Variants in PPP1R9A observed in about 807,000 individuals in gnomAD.
PPP1R9A encodes the protein protein phosphatase 1 regulatory subunit 9A, also known as neurabin-1.
In PPP1R9A, 59 loss-of-function variants were observed where a neutral mutation model predicts 141.9. The observed-to-expected ratio is 0.42, with a 90% confidence interval of 0.34 to 0.52. PPP1R9A has a LOEUF of 0.52. Among genes scored for constraint, PPP1R9A ranks in the 20% least tolerant of loss-of-function variants. The pLI is 0.10. For synonymous variants in PPP1R9A, 500 were observed against 569.7 expected, an observed-to-expected ratio of 0.88 and a Z score of 1.74; for missense variants, 1,444 against 1,611.9, an observed-to-expected ratio of 0.90 and a Z score of 1.78.
At chr7:95,176,014 A>C (rs761014841) in intron 5 of PPP1R9A, among the ~76,000 whole-genome samples, 1 of 152,086 alleles carries the variant, frequency 6.6e-6, no homozygotes, top group African/African-American at 2.4e-5. Flanking sequence ...GTAGGCTCTC[A>C]TCATGAATTT....
At chr7:95,135,633 A>G (rs561820943) in intron 4 of PPP1R9A, among the ~76,000 whole-genome samples, 2 of 152,186 alleles carry the variant, frequency 1.3e-5, no homozygotes, top group East Asian at 1.9e-4. Context: ...AGTAAATACT[A>G]GCTCTGTACA....
intron 2 of PPP1R9A, among the ~76,000 whole-genome samples, chr7:95,002,734 C>T (rs1803114005): frequency 1.3e-5 from 2 of 152,158 alleles, no homozygotes; most frequent in South Asian, 4.1e-4. Context: ...TGTCTTCAAG[C>T]TGAGATTAGT....
At chr7:95,252,593 C>T (rs1799043339) in intron 12 of PPP1R9A, among the ~76,000 whole-genome samples, 1 of 151,348 alleles carries the variant, frequency 6.6e-6, no homozygotes, top group Non-Finnish European at 1.5e-5. Flanking sequence ...TCAGCCTCCC[C>T]AGTAGCTGTG....
intron 2 of PPP1R9A, among the ~76,000 whole-genome samples, chr7:94,939,084 G>T (rs1264378442): frequency 6.6e-6 from 1 of 152,132 alleles, no homozygotes; most frequent in Non-Finnish European, 1.5e-5. Context: ...AATCTCAGTG[G>T]AGGCACTGAG....
At chr7:95,198,321 A>T in intron 5 of PPP1R9A, 28 bp from the exon 6 acceptor site, 1 of 1,579,206 alleles carries the variant, frequency 6.3e-7, no homozygotes, top group Non-Finnish European at 8.6e-7. Context: ...AGAGTCTTAA[A>T]TATTAGTCTT....
chr7:95,292,221 G>A lies in PPP1R9A; in HGVS notation c.*1918G>A, dbSNP rs1806466300. On this transcript the variant is annotated 3_prime_UTR_variant, in exon 20 of 20. Coordinates refer to ENST00000433360, the MANE Select transcript of PPP1R9A (RefSeq NM_001166160.2). ...AATGTCTTGAGATGTCTGGTGCTTTGTTATTTTTTCACATCATGAGAAATA... is the reference window on the plus strand; with the variant it reads ...AATGTCTTGAGATGTCTGGTGCTTTATTATTTTTTCACATCATGAGAAATA... The A allele has an allele frequency of 6.6e-6, 1 of 152,328 alleles. No individual in the cohort carries two copies. Among genetic ancestry groups the A allele is most frequent in the Non-Finnish European group, 1.5e-5 (1 of 68,022 alleles). The allele number at this position is 152,328 out of a possible 1,614,324, so 9.4% of individuals were successfully genotyped here. A position where few individuals can be genotyped will look rare whatever the true frequency, so the allele number is the denominator to read the frequency against.
In PPP1R9A at chr7:95,286,979, G is replaced by A. The variant is rs1216693579; in HGVS notation, c.3729+654G>A. 4.6e-6 allele frequency: 4 copies of A among 877,658 alleles called. No individual in the cohort carries two copies. In the East Asian group the frequency reaches 8.9e-5, roughly 19 times the overall value. 54.4% of individuals were successfully genotyped at this position (877,658 alleles called of 1,614,324 possible). On this transcript the variant is annotated intron_variant, in intron 18 of 19. Coordinates refer to ENST00000433360, the MANE Select transcript of PPP1R9A (RefSeq NM_001166160.2). ...TATTCACAAAACTTTTTTTTTTCTTGTAAGCTTTTCTGCCCGTATTCTTCA... is the reference window on the plus strand; with the variant it reads ...TATTCACAAAACTTTTTTTTTTCTTATAAGCTTTTCTGCCCGTATTCTTCA...
At chr7:95,113,842 G>GA (rs934326565) in intron 3 of PPP1R9A, among the ~76,000 whole-genome samples, 2 of 151,818 alleles carry the variant, frequency 1.3e-5, no homozygotes, top group African/African-American at 2.4e-5. Flanking sequence ...CAAGGGCAAG[G>GA]AAAAAAGAGG....
intron 5 of PPP1R9A, among the ~76,000 whole-genome samples, chr7:95,195,274 C>A (rs2152844455): frequency 6.6e-6 from 1 of 150,900 alleles, no homozygotes; most frequent in East Asian, 2.1e-4. Context: ...GAAGCAAAAG[C>A]CATCAGTTTT....
Position 95,269,369 on chromosome 7 carries a change from C to G in PPP1R9A, c.2986C>G (p.Pro996Ala). 1 of 1,598,328 alleles carries G rather than the reference C, an allele frequency of 6.3e-7. No individual in the cohort carries two copies. Among genetic ancestry groups the G allele is most frequent in the Non-Finnish European group, 8.5e-7 (1 of 1,179,272 alleles). The change falls in exon 14 of 20, where the codon CCA (proline) becomes GCA (alanine). Residue 996 changes from proline to alanine, a missense_variant. Physicochemically the swap from Pro to Ala is conservative, Grantham distance 27. This residue lies in a region of PPP1R9A where 459 missense variants were observed against 513.8 expected (regional missense o/e 0.89). Transcript: ENST00000433360. ...CCACATAGCTGAATTTCAAGAAGAA[C>G]CACTGGACCCAGAAATGGGGCCTCT... The part of the protein sequence containing the change: ...SDHIAEFQEE[P>A]LDPEMGPLSS...
chr7:95,281,286 C>A (rs570716397), intron 16 of PPP1R9A, among the ~76,000 whole-genome samples: 1 of 152,148 alleles, frequency 6.6e-6, no homozygotes, highest in Non-Finnish European at 1.5e-5. Context: ...TTCAAAATAT[C>A]CCTGAATCTG....
At chr7:95,177,343 A>C (rs144051159) in intron 5 of PPP1R9A, among the ~76,000 whole-genome samples, 45 of 152,294 alleles carry the variant, frequency 3.0e-4, no homozygotes, top group African/African-American at 1.0e-3. Flanking sequence ...CTAACAAGCC[A>C]CCACTACAAG....
intron 5 of PPP1R9A, among the ~76,000 whole-genome samples, chr7:95,179,706 T>G (rs1361721320): frequency 2.0e-5 from 3 of 149,610 alleles, no homozygotes; most frequent in African/African-American, 7.4e-5. Context: ...CACAAATCAC[T>G]ATCTCTTCTA....
chr7:95,286,653 T>A (rs1805391493), intron 18 of PPP1R9A, among the ~76,000 whole-genome samples: 1 of 152,076 alleles, frequency 6.6e-6, no homozygotes, highest in South Asian at 2.1e-4. Context: ...TTTCCTTGCC[T>A]CCCCTGACAA....
intron 18 of PPP1R9A, among the ~76,000 whole-genome samples, chr7:95,288,191 G>A (rs1412042809): frequency 6.6e-6 from 1 of 152,152 alleles, no homozygotes; most frequent in Admixed American, 6.5e-5. Context: ...GAGGATAAGT[G>A]ATGCATTGCA....
At chr7:95,218,272 G>A (rs1793813752) in intron 7 of PPP1R9A, among the ~76,000 whole-genome samples, 1 of 152,168 alleles carries the variant, frequency 6.6e-6, no homozygotes, top group South Asian at 2.1e-4. Flanking sequence ...ATGTAGTTGA[G>A]CGATTTTGAG....
intron 16 of PPP1R9A, among the ~76,000 whole-genome samples, chr7:95,277,604 A>T (rs993841875): frequency 6.6e-6 from 1 of 151,908 alleles, no homozygotes; most frequent in African/African-American, 2.4e-5. Flanking sequence ...TTAAAAAAAA[A>T]ATTGTAGAGG....
At chr7:95,122,923 G>T (rs1045448714) in intron 4 of PPP1R9A, among the ~76,000 whole-genome samples, 1 of 151,882 alleles carries the variant, frequency 6.6e-6, no homozygotes, top group African/African-American at 2.4e-5. Context: ...GGGAAATAAT[G>T]CTACAGTTAG....
rs1280542314 is a variant in PPP1R9A, at chr7:95,102,719, C to T, written c.1396-8540C>T. 2.0e-5 allele frequency among the ~76,000 whole-genome samples: 3 copies of T among 152,172 alleles called. No individual in the cohort carries two copies. In the East Asian group the frequency reaches 5.8e-4, roughly 29 times the overall value. ...ATGCTTTAACTTGTCAAAAGTGTCT[C>T]TGTAACTTGTAGGTGTTGTAAATCT... On this transcript the variant is annotated intron_variant, in intron 2 of 19. Coordinates refer to ENST00000433360, the MANE Select transcript of PPP1R9A (RefSeq NM_001166160.2).
Sources: gnomAD v4.1 joint callset for allele counts (sites outside exome capture counted in the v4.1 genomes callset) on GRCh38, gnomAD v4.1.1 for gene constraint, gnomAD v4.1.1 regional missense constraint, MANE v1.5 for transcripts, NCBI Gene and HGNC (gene_info 2026-07-23, HGNC 2026-07-21) for gene names.